RBFOX1: variants seen among roughly 807,000 people sequenced by gnomAD.
RBFOX1 encodes RNA binding protein fox-1 homolog 1.
Under a neutral mutation model 57.7 loss-of-function variants are expected in RBFOX1, and 8 were observed. The observed-to-expected ratio is 0.14, with a 90% CI of 0.08 to 0.25. The LOEUF is 0.25. Among genes scored for constraint, RBFOX1 ranks in the 10% least tolerant of loss-of-function variants. The probability of loss-of-function intolerance (pLI) is 1.00; values close to 1 mark genes in which losing one functional copy is unlikely to be tolerated. For missense variants in RBFOX1, 611 were observed against 548.5 expected (o/e 1.11, Z -1.14); for synonymous variants, 326 against 222.4 (o/e 1.47, Z -4.15).
At chr16:7,036,472 A>T (rs994963407) in intron 3 of RBFOX1, among the ~76,000 whole-genome samples, 5 of 152,030 alleles carry the variant, frequency 3.3e-5, no homozygotes, top group Non-Finnish European at 5.9e-5. Flanking sequence ...ATACTTTGGG[A>T]GGCTGAGGCA....
intron 4 of RBFOX1, among the ~76,000 whole-genome samples, chr16:7,137,752 C>T (rs928854075): frequency 1.4e-4 from 22 of 152,140 alleles, no homozygotes; most frequent in African/African-American, 4.6e-4. Context: ...GAACACATAA[C>T]ATTATGCAAC....
intron 3 of RBFOX1, among the ~76,000 whole-genome samples, chr16:6,760,845 G>A (rs549653235): frequency 1.9e-3 from 286 of 152,260 alleles, no homozygotes; most frequent in South Asian, 0.017. Context: ...TGGCCCCAGG[G>A]AGTGGCGCTG....
At chr16:7,250,778 A>T (rs1359931751) in intron 4 of RBFOX1, among the ~76,000 whole-genome samples, 1 of 152,218 alleles carries the variant, frequency 6.6e-6, no homozygotes, top group East Asian at 1.9e-4. Flanking sequence ...TCATTCTACC[A>T]AAGAATCAGG....
At chr16:7,492,838 G>T (rs572202612) in intron 4 of RBFOX1, among the ~76,000 whole-genome samples, 4 of 152,176 alleles carry the variant, frequency 2.6e-5, no homozygotes, top group East Asian at 1.9e-4. Flanking sequence ...GTGAGTAAAA[G>T]CTCCCTGAGA....
At chr16:6,956,401 C>T (rs557082025) in intron 3 of RBFOX1, among the ~76,000 whole-genome samples, 6 of 152,212 alleles carry the variant, frequency 3.9e-5, no homozygotes, top group Non-Finnish European at 5.9e-5. Context: ...AATGAGCAGG[C>T]TCCGCTGTCT....
At chr16:7,117,033 CAA>C (rs1567321493) in intron 4 of RBFOX1, among the ~76,000 whole-genome samples, 2 of 151,964 alleles carry the variant, frequency 1.3e-5, no homozygotes, top group African/African-American at 4.8e-5. Flanking sequence ...GAAGTGAAGA[CAA>C]GAGGGGACAG....
intron 3 of RBFOX1, among the ~76,000 whole-genome samples, chr16:6,772,965 G>A (rs2078606443): frequency 7.0e-6 from 1 of 143,586 alleles, no homozygotes; most frequent in Non-Finnish European, 1.5e-5. Context: ...TGGGTGTGGG[G>A]TGCATTTGTG....
chr16:6,918,089 C>T (rs1317180059), intron 3 of RBFOX1, among the ~76,000 whole-genome samples: 1 of 152,092 alleles, frequency 6.6e-6, no homozygotes, highest in Non-Finnish European at 1.5e-5. Context: ...GAGTTCGAGA[C>T]CAGCCTGGAC....
intron 4 of RBFOX1, among the ~76,000 whole-genome samples, chr16:7,431,852 A>C (rs1317008838): frequency 6.6e-6 from 1 of 152,226 alleles, no homozygotes; most frequent in Admixed American, 6.5e-5. Flanking sequence ...TTAACTGTTA[A>C]GGTAATTAGC....
intron 12 of RBFOX1, among the ~76,000 whole-genome samples, chr16:7,662,439 G>T (rs2068002350): frequency 6.6e-6 from 1 of 152,132 alleles, no homozygotes; most frequent in Non-Finnish European, 1.5e-5. Context: ...AGTTGGTAAA[G>T]CAATGACTCA....
chr16:7,103,284 C>T (rs1031779914), intron 4 of RBFOX1, among the ~76,000 whole-genome samples: 4 of 152,016 alleles, frequency 2.6e-5, no homozygotes, highest in South Asian at 4.2e-4. Context: ...GAGTTTATGA[C>T]GTGTCCAGTC....
At chr16:5,422,003 C>T (rs2067343765) in intron 1 of RBFOX1, among the ~76,000 whole-genome samples, 1 of 152,166 alleles carries the variant, frequency 6.6e-6, no homozygotes, top group African/African-American at 2.4e-5. Context: ...TATACACTTG[C>T]TCAAAGTGAA....
At chr16:6,773,856 T>G (rs1194514680) in intron 3 of RBFOX1, 1 of 602,526 alleles carries the variant, frequency 1.7e-6, no homozygotes, top group Non-Finnish European at 2.1e-6. Flanking sequence ...TGTATATATG[T>G]GTGGATGTAG....
Position 6,942,552 on chromosome 16 carries a change from C to A in RBFOX1, c.-15-109505C>A, listed in dbSNP as rs554171163. On this transcript the variant is annotated intron_variant, in intron 3 of 15. Transcript: ENST00000550418. ...CAGTTAGAGCATTTTCCTGTGGAAG[C>A]ATCAAGAAGACAAGAGTAGACTAAG... is the stretch of plus-strand genomic sequence containing the variant. Among the ~76,000 whole-genome samples, 4 of 152,200 alleles carry A rather than the reference C, an allele frequency of 2.6e-5. No individual in the cohort carries two copies. The South Asian group carries it at 8.3e-4, about 32-fold the overall frequency.
At chr16:6,012,835 C>T (rs2094969732) in intron 4 of RBFOX1, among the ~76,000 whole-genome samples, 1 of 152,096 alleles carries the variant, frequency 6.6e-6, no homozygotes, top group African/African-American at 2.4e-5. Flanking sequence ...GAGAAAACAT[C>T]TGGAAGTAAA....
At chr16:6,926,854 G>A (rs1477147204) in intron 3 of RBFOX1, among the ~76,000 whole-genome samples, 1 of 152,034 alleles carries the variant, frequency 6.6e-6, no homozygotes, top group Non-Finnish European at 1.5e-5. Flanking sequence ...ACATCCACGT[G>A]ACTCTTTTTA....
intron 1 of RBFOX1, among the ~76,000 whole-genome samples, chr16:5,300,574 A>G (rs964151989): frequency 1.3e-5 from 2 of 152,160 alleles, no homozygotes; most frequent in African/African-American, 4.8e-5. Flanking sequence ...TTTAAGTAAT[A>G]ATTATATTAT....
intron 4 of RBFOX1, among the ~76,000 whole-genome samples, chr16:7,460,525 A>T (rs1485940524): frequency 6.8e-6 from 1 of 147,426 alleles, no homozygotes; most frequent in Non-Finnish European, 1.5e-5. Context: ...TCTAATATAC[A>T]TATATATTAG....
chr16:6,722,377 C>T (rs2066184508), intron 3 of RBFOX1, among the ~76,000 whole-genome samples: 1 of 152,166 alleles, frequency 6.6e-6, no homozygotes, highest in African/African-American at 2.4e-5. Context: ...GAGGAGGTTG[C>T]TCTAAGTCAT....
Sources: gnomAD v4.1 joint callset for allele counts (sites outside exome capture counted in the v4.1 genomes callset) on GRCh38, gnomAD v4.1.1 for gene constraint, MANE v1.5 for transcripts, NCBI Gene and HGNC (gene_info 2026-07-23, HGNC 2026-07-21) for gene names.